The following NTRK3 variants were observed in gnomAD, a reference collection of about 807,000 sequenced individuals.
The protein encoded by NTRK3 is NT-3 growth factor receptor.
NTRK3 carries 24 observed loss-of-function variants against 91.7 expected under a neutral mutation model. The ratio of observed to expected loss-of-function variants is 0.26; its 90% CI spans 0.19 to 0.37. The LOEUF is 0.37. Among genes scored for constraint, NTRK3 ranks in the 10% least tolerant of loss-of-function variants. NTRK3 has a pLI of 1.00. For synonymous variants in NTRK3, 483 were observed against 404.0 expected, an observed-to-expected ratio of 1.20 and a Z score of -2.34; for missense variants, 880 against 1,068.9, an observed-to-expected ratio of 0.82 and a Z score of 2.46.
chr15:88,163,243 C>T (rs1451045137), intron 5 of NTRK3, among the ~76,000 whole-genome samples: 2 of 152,198 alleles, frequency 1.3e-5, no homozygotes, highest in Non-Finnish European at 2.9e-5. Context: ...GCTCATTTGT[C>T]TTAGTCACAA....
At chr15:88,087,997 G>A (rs1050271259) in intron 13 of NTRK3, among the ~76,000 whole-genome samples, 4 of 152,284 alleles carry the variant, frequency 2.6e-5, no homozygotes, top group Middle Eastern at 3.4e-3. Context: ...GCTGCAGTGA[G>A]CCAAGATCAC....
At chr15:87,968,558 G>T (rs1410713675) in intron 14 of NTRK3, among the ~76,000 whole-genome samples, 1 of 152,140 alleles carries the variant, frequency 6.6e-6, no homozygotes, top group Admixed American at 6.5e-5. Context: ...AGAAACGAAA[G>T]TATTGATATC....
intron 14 of NTRK3, among the ~76,000 whole-genome samples, chr15:87,966,316 G>A (rs1267416930): frequency 6.6e-6 from 1 of 152,206 alleles, no homozygotes; most frequent in Non-Finnish European, 1.5e-5. Context: ...AATAAGGCAT[G>A]TCTTATCCTC....
chr15:88,244,550 G>A (rs2052650814), intron 3 of NTRK3, among the ~76,000 whole-genome samples: 1 of 150,604 alleles, frequency 6.6e-6, no homozygotes, highest in African/African-American at 2.4e-5. Flanking sequence ...TGACCCCAGA[G>A]AAGATGGCAC....
intron 17 of NTRK3, among the ~76,000 whole-genome samples, chr15:87,894,338 T>A (rs2065997435): frequency 6.6e-6 from 1 of 152,214 alleles, no homozygotes; most frequent in Admixed American, 6.5e-5. Context: ...GTTTGGGAAT[T>A]CACTTGCATG....
chr15:88,136,622 C>G lies in NTRK3; in HGVS notation c.623-13G>C. 1 of 1,610,854 alleles carries G rather than the reference C, an allele frequency of 6.2e-7. No homozygotes were observed. Among genetic ancestry groups the G allele is most frequent in the Non-Finnish European group, 8.5e-7 (1 of 1,179,114 alleles). On this transcript the variant is annotated splice_polypyrimidine_tract_variant and intron_variant, in intron 7 of 18. Coordinates refer to ENST00000394480, the Ensembl canonical transcript of NTRK3. The stretch of plus-strand genomic sequence containing the variant: ...ATCTCAGGAAGGTCTGGGAGCCAGA[C>G]AAAGTGGGTGAAAAGACAGGCAAAC...
At chr15:88,050,778 C>T (rs1013818989) in intron 13 of NTRK3, among the ~76,000 whole-genome samples, 3 of 152,092 alleles carry the variant, frequency 2.0e-5, no homozygotes, top group Non-Finnish European at 4.4e-5. Context: ...GAAATTGAGG[C>T]TCAGAACTAT....
intron 14 of NTRK3, among the ~76,000 whole-genome samples, chr15:87,971,865 G>A (rs1219826176): frequency 6.6e-6 from 1 of 152,172 alleles, no homozygotes; most frequent in Non-Finnish European, 1.5e-5. Context: ...GTTTTTGAAG[G>A]TCAGGATTTC....
chr15:88,191,823 G>A (rs376691652), intron 3 of NTRK3, among the ~76,000 whole-genome samples: 119 of 152,384 alleles, frequency 7.8e-4, no homozygotes, highest in African/African-American at 2.6e-3. Context: ...CTGGGAAGGA[G>A]CGCATGGGAT....
chr15:87,886,347 A>T (rs529434634), intron 17 of NTRK3, among the ~76,000 whole-genome samples: 1 of 152,026 alleles, frequency 6.6e-6, no homozygotes, highest in Non-Finnish European at 1.5e-5. Context: ...AAGCAAAAAT[A>T]CTGAGTTAAA....
chr15:87,932,323 A>G (rs2068873042), intron 16 of NTRK3, among the ~76,000 whole-genome samples: 1 of 152,210 alleles, frequency 6.6e-6, no homozygotes, highest in South Asian at 2.1e-4. Flanking sequence ...GCTTCCCTGT[A>G]TGGTAAAAAC....
chr15:87,992,623 T>A (rs1392325928), intron 14 of NTRK3, among the ~76,000 whole-genome samples: 1 of 152,264 alleles, frequency 6.6e-6, no homozygotes, highest in South Asian at 2.1e-4. Flanking sequence ...ATGAGCAAAG[T>A]GCTGTGCATG....
chr15:88,146,032 GTAATAATTCCTACCT>G (rs2042862217), intron 6 of NTRK3, among the ~76,000 whole-genome samples: 1 of 152,170 alleles, frequency 6.6e-6, no homozygotes, highest in Admixed American at 6.5e-5. Flanking sequence ...TGAAGTGATA[GTAATAATTCCTACCT>G]TAAGGAATTG....
intron 13 of NTRK3, among the ~76,000 whole-genome samples, chr15:88,064,627 T>C (rs2046492117): frequency 6.6e-6 from 1 of 152,312 alleles, no homozygotes; most frequent in South Asian, 2.1e-4. Context: ...TCTATGCCCA[T>C]AGCTACCACA....
At position 88,235,183 on chromosome 15, in the gene NTRK3, T is replaced by C. The variant is rs2039659846; in HGVS notation, c.248+20723A>G. Among the ~76,000 whole-genome samples the C allele has an allele frequency of 6.6e-6, 1 of 152,232 alleles. No homozygotes were observed. Among genetic ancestry groups the C allele is most frequent in the Non-Finnish European group, 1.5e-5 (1 of 68,042 alleles). On this transcript the variant is annotated intron_variant, in intron 3 of 18. Transcript: ENST00000394480. This position sits in a 1 kb window ranked among gnomAD's most constrained non-coding sequence, Gnocchi z 5.2. ...TTGTACTGATTTCTTTGCTTGCATA[T>C]CAACGGATGGCCTCTATCCACTGAA...
intron 14 of NTRK3, among the ~76,000 whole-genome samples, chr15:87,989,696 GA>G (rs112878239): frequency 3.6e-4 from 51 of 143,080 alleles, no homozygotes; most frequent in Middle Eastern, 3.6e-3. Flanking sequence ...GTGCTGACAC[GA>G]AAAAAAAAAA....
chr15:87,954,070 T>C (rs76966928), intron 14 of NTRK3, among the ~76,000 whole-genome samples: 1 of 149,362 alleles, frequency 6.7e-6, no homozygotes, highest in East Asian at 2.0e-4. Context: ...ATGCTTTTTT[T>C]CTCTGAAATA....
chr15:88,135,766 A>C, intron 9 of NTRK3, 133 bp downstream of exon 9: 1 of 1,223,064 alleles, frequency 8.2e-7, no homozygotes, highest in Non-Finnish European at 1.2e-6. Context: ...CTGCCCTACA[A>C]GAGTCCTTCT....
intron 14 of NTRK3, among the ~76,000 whole-genome samples, chr15:87,980,470 GATGTGTGT>G (rs1567179471): frequency 2.0e-5 from 3 of 152,044 alleles, no homozygotes; most frequent in African/African-American, 7.3e-5. Context: ...TTTTCATGTG[GATGTGTGT>G]ATGTGTTTCC....
Sources: gnomAD v4.1 joint callset for allele counts (sites outside exome capture counted in the v4.1 genomes callset) on GRCh38, gnomAD v4.1.1 for gene constraint, Gnocchi (gnomAD v3.1) non-coding constraint, MANE v1.5 for transcripts, NCBI Gene and HGNC (gene_info 2026-07-23, HGNC 2026-07-21) for gene names.